The following WWTR1 variants were observed in gnomAD, a reference collection of about 807,000 sequenced individuals.
WWTR1 encodes WW domain-containing transcription regulator protein 1.
WWTR1 carries 13 observed loss-of-function variants against 40.1 expected under a neutral mutation model. That is an observed-to-expected ratio of 0.32 (90% CI 0.21 to 0.52). The LOEUF (loss-of-function observed/expected upper bound fraction) is 0.52. WWTR1 is among the 20% of genes least tolerant of loss of function. WWTR1 has a pLI of 0.97. For missense variants in WWTR1, 436 were observed against 523.1 expected (o/e 0.83, Z 1.63); for synonymous variants, 230 against 210.1 (o/e 1.09, Z -0.82).
chr3:149,674,072 A>G (rs1225938888), intron 1 of WWTR1, among the ~76,000 whole-genome samples: 2 of 151,778 alleles, frequency 1.3e-5, no homozygotes, highest in Non-Finnish European at 1.5e-5. Context: ...AAAAAAAATT[A>G]GCTGGGCATG....
chr3:149,680,201 C>A (rs192095125), intron 1 of WWTR1, among the ~76,000 whole-genome samples: 1 of 152,252 alleles, frequency 6.6e-6, no homozygotes, highest in East Asian at 1.9e-4. Context: ...TGTATGATTA[C>A]CTTACATGTA....
intron 3 of WWTR1, among the ~76,000 whole-genome samples, chr3:149,558,608 C>A (rs948861922): frequency 6.6e-6 from 1 of 152,192 alleles, no homozygotes; most frequent in Admixed American, 6.5e-5. Flanking sequence ...TGGAACAAAT[C>A]GTGTGCCTCC....
chr3:149,688,736 T>C (rs974886819), intron 1 of WWTR1, among the ~76,000 whole-genome samples: 19 of 152,072 alleles, frequency 1.2e-4, no homozygotes, highest in Non-Finnish European at 7.4e-5. Context: ...ACCCAGACAT[T>C]GATGAATATT....
chr3:149,619,546 C>A (rs1276384163), intron 2 of WWTR1, among the ~76,000 whole-genome samples: 1 of 152,100 alleles, frequency 6.6e-6, no homozygotes, highest in Non-Finnish European at 1.5e-5. Flanking sequence ...TCACTTGAGC[C>A]TAGGAGTTCC....
intron 3 of WWTR1, among the ~76,000 whole-genome samples, chr3:149,566,813 A>T: frequency 7.9e-6 from 1 of 126,344 alleles, no homozygotes; most frequent in Admixed American, 7.5e-5. Flanking sequence ...CCCTGAAAAG[A>T]AAAAAAAAAA....
intron 4 of WWTR1, among the ~76,000 whole-genome samples, chr3:149,541,604 C>CG (rs1736103655): frequency 6.7e-6 from 1 of 148,318 alleles, no homozygotes; most frequent in African/African-American, 2.5e-5. Flanking sequence ...GCTTGAATCT[C>CG]GGGGGGTTCT....
At chr3:149,639,364 T>C (rs965557400) in intron 2 of WWTR1, among the ~76,000 whole-genome samples, 2 of 151,910 alleles carry the variant, frequency 1.3e-5, no homozygotes, top group Non-Finnish European at 2.9e-5. Context: ...CACCACCACA[T>C]TCTGTTAATT....
At chr3:149,686,557 G>A (rs1224113509) in intron 1 of WWTR1, among the ~76,000 whole-genome samples, 1 of 152,084 alleles carries the variant, frequency 6.6e-6, no homozygotes, top group Non-Finnish European at 1.5e-5. Flanking sequence ...ATAAATAATA[G>A]AGTGAAGAAA....
chr3:149,709,021 T>C (rs949429524), intron 5 of WWTR1, among the ~76,000 whole-genome samples: 1 of 152,108 alleles, frequency 6.6e-6, no homozygotes, highest in African/African-American at 2.4e-5. Context: ...ATTTTATTTT[T>C]CTTGAGACAC....
upstream of WWTR1, among the ~76,000 whole-genome samples, chr3:149,661,820 C>G (rs1201691281): frequency 2.0e-5 from 3 of 150,380 alleles, no homozygotes; most frequent in Non-Finnish European, 2.9e-5. Context: ...ACAACCTCCA[C>G]CTCCCGGGTT....
chr3:149,625,364 C>T (rs1043133762), intron 2 of WWTR1, among the ~76,000 whole-genome samples: 10 of 151,682 alleles, frequency 6.6e-5, no homozygotes, highest in Non-Finnish European at 1.2e-4. Flanking sequence ...GTGATCCACC[C>T]GCCTAAGCCT....
chr3:149,543,969 T>C (rs989502342), intron 3 of WWTR1, among the ~76,000 whole-genome samples: 1 of 151,556 alleles, frequency 6.6e-6, no homozygotes, highest in Admixed American at 6.6e-5. Flanking sequence ...GGTTTCACTA[T>C]GTTGCCTAGG....
intron 1 of WWTR1, among the ~76,000 whole-genome samples, chr3:149,692,129 T>A (rs1287769272): frequency 6.6e-6 from 1 of 151,046 alleles, no homozygotes; most frequent in Non-Finnish European, 1.5e-5. Context: ...AGTATTACCC[T>A]GATACCAACA....
At chr3:149,535,234 GA>G (rs58285728) in intron 4 of WWTR1, among the ~76,000 whole-genome samples, 28 of 143,118 alleles carry the variant, frequency 2.0e-4, no homozygotes, top group Middle Eastern at 3.6e-3. Flanking sequence ...GAAAGAAAAT[GA>G]AAAAAAAAAA....
At position 149,627,879 on chromosome 3, in the gene WWTR1, G is replaced by A. The variant is rs564940616; in HGVS notation, c.431+28997C>T. Reference sequence around the variant, plus strand: ...ACCAGAGGTCGGGAGCTCGCGACTAGCCTGATCAACATGGAGAAACCCCGT... The same window carrying A: ...ACCAGAGGTCGGGAGCTCGCGACTAACCTGATCAACATGGAGAAACCCCGT... On this transcript the variant is annotated intron_variant, in intron 2 of 6. Transcript: ENST00000360632. 2.7e-5 allele frequency among the ~76,000 whole-genome samples: 4 copies of A among 149,282 alleles called. No individual in the cohort carries two copies. The South Asian group carries it at 8.5e-4, about 32-fold the overall frequency.
At position 149,616,447 on chromosome 3, in the gene WWTR1, T is replaced by C. The variant is rs554633645; in HGVS notation, c.431+40429A>G. 9.2e-5 allele frequency among the ~76,000 whole-genome samples: 14 copies of C among 151,946 alleles called. No individual in the cohort carries two copies. In the East Asian group the frequency reaches 1.4e-3, roughly 15 times the overall value. ...TGGCTGTCCTCTCTCTCTCTCTCTT[T>C]TTTTTTTTTTCCGAGGTGGAGTTTC... is the stretch of plus-strand genomic sequence containing the variant. On this transcript the variant is annotated intron_variant, in intron 2 of 6. Transcript: ENST00000360632.
chr3:149,659,142 G>A (rs758622182), upstream of WWTR1, among the ~76,000 whole-genome samples: 1 of 152,100 alleles, frequency 6.6e-6, no homozygotes, highest in Non-Finnish European at 1.5e-5. Context: ...GGGAAAGGGT[G>A]GGGGGAGATG....
chr3:149,536,480 A>G (rs1175241409), intron 4 of WWTR1, among the ~76,000 whole-genome samples: 1 of 144,832 alleles, frequency 6.9e-6, no homozygotes, highest in Non-Finnish European at 1.5e-5. Flanking sequence ...ACAAAAAAAA[A>G]AAGGGGGGGG....
chr3:149,723,906 C>T (rs1164572065), intron 4 of WWTR1, among the ~76,000 whole-genome samples: 1 of 152,214 alleles, frequency 6.6e-6, no homozygotes, highest in Non-Finnish European at 1.5e-5. Context: ...CTAGCTCCCA[C>T]AGGCTGTGTA....
Sources: allele counts gnomAD v4.1 joint callset (sites outside exome capture counted in the v4.1 genomes callset), GRCh38; gene constraint gnomAD v4.1.1; transcripts MANE v1.5; gene names NCBI Gene and HGNC (gene_info 2026-07-23, HGNC 2026-07-21).